The following ZNF638 variants were observed in gnomAD, a reference collection of about 807,000 sequenced individuals.
The protein encoded by ZNF638 is CTCL tumor antigen se33-1.
In ZNF638, 46 loss-of-function variants were observed where a neutral mutation model predicts 195.6. That is an observed-to-expected ratio of 0.24 (90% CI 0.19 to 0.30). ZNF638 has a LOEUF of 0.30. Among genes scored for constraint, ZNF638 ranks in the 10% least tolerant of loss-of-function variants. ZNF638 has a pLI of 1.00. For synonymous variants in ZNF638, 845 were observed against 772.0 expected (o/e 1.09, Z -1.57); for missense variants, 2,440 against 2,325.3 (o/e 1.05, Z -1.01).
chr2:71,423,863 C>T lies in ZNF638; in HGVS notation c.4349C>T (p.Ala1450Val). The change falls in exon 22 of 28, where the codon GCA becomes GTA. Residue 1450 changes from alanine to valine, a missense_variant. Ala to Val is a moderately conservative substitution (Grantham distance 64). Coordinates refer to ENST00000264447, the MANE Select transcript of ZNF638 (RefSeq NM_014497.5). The part of the protein sequence containing the change: ...LKPTSARSGL[A>V]ESSSKFKPTQ... ...CCCACAAGTGCCAGGTCAGGCTTGG[C>T]AGAAAGCAGCAGTAAATTCAAACCT... 1 of 1,614,062 alleles carries T rather than the reference C, an allele frequency of 6.2e-7. No individual in the cohort carries two copies. Among genetic ancestry groups the T allele is most frequent in the Non-Finnish European group, 8.5e-7 (1 of 1,179,990 alleles).
intron 21 of ZNF638, among the ~76,000 whole-genome samples, chr2:71,422,374 A>G (rs952860245): frequency 6.6e-6 from 1 of 151,922 alleles, no homozygotes; most frequent in African/African-American, 2.4e-5. Context: ...TGTTCTTTTT[A>G]GGTAAGGTTC....
chr2:71,344,984 G>A (rs1181048565), intron 1 of ZNF638, among the ~76,000 whole-genome samples: 1 of 152,118 alleles, frequency 6.6e-6, no homozygotes, highest in Non-Finnish European at 1.5e-5. Flanking sequence ...GTATACAGTA[G>A]TCTCCCCTTA....
At chr2:71,340,707 CTG>C (rs1378035701) in intron 1 of ZNF638, among the ~76,000 whole-genome samples, 3 of 151,752 alleles carry the variant, frequency 2.0e-5, no homozygotes, top group African/African-American at 7.3e-5. Flanking sequence ...GATTTTGAAA[CTG>C]TATTGCTTTT....
intron 8 of ZNF638, among the ~76,000 whole-genome samples, chr2:71,370,791 G>A (rs2079296102): frequency 6.6e-6 from 1 of 152,008 alleles, no homozygotes; most frequent in Non-Finnish European, 1.5e-5. Context: ...ATGGAAAATG[G>A]GATATCTGTC....
intron 11 of ZNF638, among the ~76,000 whole-genome samples, chr2:71,398,256 G>T (rs1470739398): frequency 1.3e-5 from 2 of 152,092 alleles, no homozygotes; most frequent in Admixed American, 1.3e-4. Flanking sequence ...TGGGAGCCAA[G>T]TCTAAACGTG....
At chr2:71,357,744 C>CT (rs976961941) in intron 3 of ZNF638, among the ~76,000 whole-genome samples, 3 of 152,024 alleles carry the variant, frequency 2.0e-5, no homozygotes, top group African/African-American at 7.3e-5. Flanking sequence ...ATGTTCTACT[C>CT]TATTTTTTAA....
In ZNF638 at chr2:71,423,195, C is replaced by T; in HGVS notation, c.3681C>T (p.Asp1227=). 1 of 1,614,046 alleles carries T rather than the reference C, an allele frequency of 6.2e-7. No homozygotes were observed. Among genetic ancestry groups the T allele is most frequent in the East Asian group, 2.2e-5 (1 of 44,868 alleles). ...CTAAAACAGCATTGTTACCATCTGACAGTGTGTTTGCAGAAGAAAGGAACC... is the reference window on the plus strand; with the variant it reads ...CTAAAACAGCATTGTTACCATCTGATAGTGTGTTTGCAGAAGAAAGGAACC... The part of the protein sequence containing the change: ...INPKTALLPS[D]SVFAEERNLK... The change falls in exon 22 of 28, where the codon GAC becomes GAT. Residue 1227 remains aspartate (D), a synonymous_variant. Coordinates refer to ENST00000264447, the MANE Select transcript of ZNF638 (RefSeq NM_014497.5).
intron 2 of ZNF638, among the ~76,000 whole-genome samples, chr2:71,351,382 A>G (rs2078937716): frequency 6.6e-6 from 1 of 152,230 alleles, no homozygotes; most frequent in Non-Finnish European, 1.5e-5. Flanking sequence ...CAGATGTGCC[A>G]AATTCTATTA....
chr2:71,391,403 T>A (rs755439365), intron 10 of ZNF638, among the ~76,000 whole-genome samples: 18 of 152,234 alleles, frequency 1.2e-4, no homozygotes, highest in Non-Finnish European at 2.1e-4. Flanking sequence ...CCTCAAGGAA[T>A]GCTGAACAGT....
At chr2:71,379,728 A>G (rs1482161293) in intron 8 of ZNF638, 1 of 152,298 alleles carries the variant, frequency 6.6e-6, no homozygotes, top group Non-Finnish European at 1.5e-5. Context: ...TTATTACACT[A>G]TATTCTTACA....
Position 71,369,935 on chromosome 2 carries a change from T to A in ZNF638, c.2195T>A (p.Ile732Asn). 6.3e-7 allele frequency: 1 copy of A among 1,598,386 alleles called. No homozygotes were observed. Residue 732 changes from isoleucine to asparagine, a missense_variant, in exon 8 of 28, where the codon ATT becomes AAT. Ile to Asn is a moderately radical substitution (Grantham distance 149). Around this residue, in one of 5 missense-constraint regions of ZNF638, gnomAD observed 1,883 missense variants for 1,739.1 expected, o/e 1.08. Coordinates refer to ENST00000264447, the MANE Select transcript of ZNF638 (RefSeq NM_014497.5). Reference sequence around the variant, plus strand: ...GCAATTACTGCAATTATGAAGTACATTGAAACAACACCTCTTACGATAAAA... The same window carrying A: ...GCAATTACTGCAATTATGAAGTACAATGAAACAACACCTCTTACGATAAAA... ...KEAITAIMKY[I>N]ETTPLTIKGK... is the part of the protein sequence containing the mutation.
chr2:71,333,599 T>C (rs2078611345), intron 1 of ZNF638, among the ~76,000 whole-genome samples: 1 of 152,208 alleles, frequency 6.6e-6, no homozygotes, highest in Admixed American at 6.5e-5. Flanking sequence ...AAGTAGGTGA[T>C]CTCCGGAAAT....
At chr2:71,420,209 C>CTTGTT (rs1286131829) in intron 21 of ZNF638, among the ~76,000 whole-genome samples, 1 of 151,512 alleles carries the variant, frequency 6.6e-6, no homozygotes, top group Admixed American at 6.6e-5. Context: ...ACTACATGCA[C>CTTGTT]TTGTTTTGTT....
Position 71,349,982 on chromosome 2 carries a change from C to T in ZNF638, c.1028C>T (p.Ser343Leu), listed in dbSNP as rs1445261365. Residue 343 changes from serine (S) to leucine (L), a missense_variant, in exon 2 of 28, where the codon TCA (serine) becomes TTA (leucine). Ser to Leu is a moderately radical substitution (Grantham distance 145). Coordinates refer to ENST00000264447, the MANE Select transcript of ZNF638 (RefSeq NM_014497.5). The stretch of plus-strand genomic sequence containing the variant: ...CAACCTTTTTCGTCGGAATTAATTT[C>T]ATCTGTAAGCCAGCAAGAGCGGATC... ...NQQPFSSELI[S>L]SVSQQERIPH... 3.1e-6 allele frequency: 5 copies of T among 1,614,214 alleles called. No individual in the cohort carries two copies. The highest frequency in any genetic ancestry group is 2.2e-5 in the South Asian group (2 of 91,086).
At chr2:71,359,375 AACAAGG>A (rs766762626) in intron 3 of ZNF638, among the ~76,000 whole-genome samples, 12 of 152,304 alleles carry the variant, frequency 7.9e-5, no homozygotes, top group Admixed American at 2.6e-4. Flanking sequence ...GATGTCCAAG[AACAAGG>A]AGGAGAAGGG....
At chr2:71,394,467 T>G (rs1278297396) in intron 10 of ZNF638, among the ~76,000 whole-genome samples, 7 of 152,180 alleles carry the variant, frequency 4.6e-5, no homozygotes, top group Non-Finnish European at 1.0e-4. Context: ...AACCAGTATT[T>G]CCATTACACC....
At chr2:71,352,022 G>T (rs956528668) in intron 2 of ZNF638, among the ~76,000 whole-genome samples, 1 of 152,166 alleles carries the variant, frequency 6.6e-6, no homozygotes, top group Non-Finnish European at 1.5e-5. Context: ...GTATAAATAT[G>T]CATCCTGACA....
chr2:71,393,815 A>AT (rs1462746790), intron 10 of ZNF638, among the ~76,000 whole-genome samples: 1 of 151,908 alleles, frequency 6.6e-6, no homozygotes, highest in Non-Finnish European at 1.5e-5. Context: ...GCTAGGAGGG[A>AT]TTGACTTATC....
chr2:71,352,316 A>G (rs1253959552), intron 2 of ZNF638, among the ~76,000 whole-genome samples: 1 of 151,944 alleles, frequency 6.6e-6, no homozygotes, highest in Non-Finnish European at 1.5e-5. Context: ...TGTCTCTACT[A>G]AAAATACAAG....
Sources: gnomAD v4.1 joint callset for allele counts (sites outside exome capture counted in the v4.1 genomes callset) on GRCh38, gnomAD v4.1.1 for gene constraint, gnomAD v4.1.1 regional missense constraint, MANE v1.5 for transcripts, NCBI Gene and HGNC (gene_info 2026-07-23, HGNC 2026-07-21) for gene names.